LRMDA: variants seen among roughly 807,000 people sequenced by gnomAD.
LRMDA encodes leucine rich melanocyte differentiation associated.
A neutral mutation model predicts 29.8 loss-of-function variants in LRMDA; 18 were observed. The ratio of observed to expected loss-of-function variants is 0.60; its 90% CI spans 0.42 to 0.90. LRMDA has a LOEUF of 0.90. LRMDA is among the 40% of genes least tolerant of loss of function. The pLI is 0.00. For missense variants in LRMDA, 273 were observed against 273.9 expected (o/e 1.00, Z 0.02); for synonymous variants, 125 against 109.4 (o/e 1.14, Z -0.89).
chr10:76,144,061 T>A (rs2132154362), intron 5 of LRMDA, among the ~76,000 whole-genome samples: 1 of 152,332 alleles, frequency 6.6e-6, no homozygotes, highest in Non-Finnish European at 1.5e-5. Context: ...ATCTCTGTTT[T>A]GGTACCAGTA....
At chr10:75,898,911 G>T (rs1444873452) in intron 2 of LRMDA, among the ~76,000 whole-genome samples, 1 of 152,068 alleles carries the variant, frequency 6.6e-6, no homozygotes, top group South Asian at 2.1e-4. Flanking sequence ...CTATAATATA[G>T]GTGACCAGAT....
chr10:75,992,595 G>A (rs1338609067), intron 2 of LRMDA, among the ~76,000 whole-genome samples: 2 of 152,156 alleles, frequency 1.3e-5, no homozygotes, highest in East Asian at 3.8e-4. Context: ...GACGTTTCCT[G>A]ACTTCAGAAG....
chr10:75,557,805 A>G (rs1194787683), intron 2 of LRMDA, among the ~76,000 whole-genome samples: 1 of 152,178 alleles, frequency 6.6e-6, no homozygotes, highest in East Asian at 1.9e-4. Context: ...TTTTAAAGCT[A>G]GATAATGTAT....
chr10:75,785,822 C>T (rs1179580678), intron 2 of LRMDA, among the ~76,000 whole-genome samples: 1 of 152,118 alleles, frequency 6.6e-6, no homozygotes, highest in Non-Finnish European at 1.5e-5. Context: ...TGTTAAATAC[C>T]AGTACCCCTG....
intron 2 of LRMDA, among the ~76,000 whole-genome samples, chr10:75,626,527 G>T (rs901245286): frequency 3.9e-5 from 6 of 152,194 alleles, no homozygotes; most frequent in African/African-American, 1.4e-4. Flanking sequence ...GTCTTACCAA[G>T]TTGCTAGGGA....
intron 5 of LRMDA, among the ~76,000 whole-genome samples, chr10:76,161,924 A>C (rs1209815974): frequency 1.3e-5 from 2 of 152,228 alleles, no homozygotes; most frequent in Non-Finnish European, 2.9e-5. Context: ...TTTAGCTCAC[A>C]TTTCATAGAG....
chr10:75,810,696 A>G (rs1175463540), intron 2 of LRMDA, among the ~76,000 whole-genome samples: 6 of 152,176 alleles, frequency 3.9e-5, no homozygotes, highest in Non-Finnish European at 5.9e-5. Context: ...GGTGGCAGCT[A>G]TGAGAGACAA....
At chr10:75,609,065 C>T (rs1295426672) in intron 2 of LRMDA, among the ~76,000 whole-genome samples, 1 of 152,184 alleles carries the variant, frequency 6.6e-6, no homozygotes, top group African/African-American at 2.4e-5. Flanking sequence ...ATGGAGCTTG[C>T]ACAGCACCTA....
At chr10:76,145,232 T>C (rs541424985) in intron 5 of LRMDA, among the ~76,000 whole-genome samples, 1 of 152,344 alleles carries the variant, frequency 6.6e-6, no homozygotes, top group Non-Finnish European at 1.5e-5. Flanking sequence ...ATTCCCTCTT[T>C]TTCTATTGAT....
intron 2 of LRMDA, among the ~76,000 whole-genome samples, chr10:75,766,839 T>G (rs1357650401): frequency 1.3e-5 from 2 of 152,084 alleles, no homozygotes. Context: ...TTACCCTCCC[T>G]GTGTCCATGT....
chr10:76,494,772 T>A (rs566102657), intron 6 of LRMDA, among the ~76,000 whole-genome samples: 2 of 152,034 alleles, frequency 1.3e-5, no homozygotes, highest in South Asian at 4.1e-4. Context: ...TAATTTTTGT[T>A]GCATCCCACA....
chr10:75,766,807 A>G (rs1051186522), intron 2 of LRMDA, among the ~76,000 whole-genome samples: 1 of 151,604 alleles, frequency 6.6e-6, no homozygotes, highest in African/African-American at 2.4e-5. Flanking sequence ...CCCCATTCCA[A>G]GACGGGCCCC....
At chr10:75,447,819 C>A (rs1036785082) in intron 2 of LRMDA, among the ~76,000 whole-genome samples, 1 of 152,014 alleles carries the variant, frequency 6.6e-6, no homozygotes, top group Non-Finnish European at 1.5e-5. Context: ...TCACTTGAAC[C>A]CAGAAGGTAG....
At chr10:76,252,106 C>T (rs1852495775) in intron 5 of LRMDA, among the ~76,000 whole-genome samples, 1 of 152,154 alleles carries the variant, frequency 6.6e-6, no homozygotes, top group Admixed American at 6.6e-5. Context: ...AATTATACCC[C>T]CAACGCTTCC....
intron 5 of LRMDA, among the ~76,000 whole-genome samples, chr10:76,136,715 A>G (rs1294291963): frequency 6.6e-6 from 1 of 152,224 alleles, no homozygotes; most frequent in Non-Finnish European, 1.5e-5. Flanking sequence ...AAAATAGATG[A>G]GCACTTTTTG....
intron 2 of LRMDA, among the ~76,000 whole-genome samples, chr10:75,819,405 A>AT (rs5786191): frequency 0.82 from 125,484 of 152,158 alleles, 52,413 homozygotes; most frequent in East Asian, 1. Flanking sequence ...GTAATGTGAA[A>AT]TTTGGGGAGT....
intron 2 of LRMDA, among the ~76,000 whole-genome samples, chr10:75,534,400 A>T (rs1234157764): frequency 2.0e-5 from 3 of 151,968 alleles, no homozygotes; most frequent in Non-Finnish European, 4.4e-5. Flanking sequence ...GCTACCATTG[A>T]ATTGGGTGGC....
At chr10:75,986,283 T>C (rs1289272593) in intron 2 of LRMDA, among the ~76,000 whole-genome samples, 2 of 152,232 alleles carry the variant, frequency 1.3e-5, no homozygotes, top group Non-Finnish European at 2.9e-5. Context: ...TATTCTCTGA[T>C]GAAAAGGAAA....
At chr10:76,418,585 T>A (rs1389769092) in intron 6 of LRMDA, among the ~76,000 whole-genome samples, 1 of 152,012 alleles carries the variant, frequency 6.6e-6, no homozygotes, top group Non-Finnish European at 1.5e-5. Flanking sequence ...TAATAATTTT[T>A]TTCTTTATAC....
Sources: gnomAD v4.1 joint callset for allele counts (sites outside exome capture counted in the v4.1 genomes callset) on GRCh38, gnomAD v4.1.1 for gene constraint, MANE v1.5 for transcripts, NCBI Gene and HGNC (gene_info 2026-07-23, HGNC 2026-07-21) for gene names.